CSMD1: variants seen among roughly 807,000 people sequenced by gnomAD.
CSMD1 encodes the protein CUB and sushi domain-containing protein 1.
In CSMD1, 213 loss-of-function variants were observed where a neutral mutation model predicts 417.5. The observed-to-expected ratio is 0.51, with a 90% CI of 0.46 to 0.57. CSMD1 has a LOEUF of 0.57. CSMD1 is among the 20% of genes least tolerant of loss of function. The pLI is 0.00. For missense variants in CSMD1, 6,923 were observed against 4,529.7 expected (o/e 1.53, Z -15.17); for synonymous variants, 2,862 against 1,736.8 (o/e 1.65, Z -16.11).
At chr8:4,821,921 C>T (rs1799546860) in intron 1 of CSMD1, among the ~76,000 whole-genome samples, 1 of 151,994 alleles carries the variant, frequency 6.6e-6, no homozygotes, top group Non-Finnish European at 1.5e-5. Flanking sequence ...TGCTTGCCTG[C>T]TTCAGGTATT....
At chr8:4,651,283 C>A (rs1285828595) in intron 1 of CSMD1, among the ~76,000 whole-genome samples, 1 of 152,004 alleles carries the variant, frequency 6.6e-6, no homozygotes. Flanking sequence ...GTTTAATGAT[C>A]AAATGTTAAA....
chr8:4,942,848 G>C (rs1808103555), intron 1 of CSMD1, among the ~76,000 whole-genome samples: 1 of 152,210 alleles, frequency 6.6e-6, no homozygotes, highest in African/African-American at 2.4e-5. Flanking sequence ...CACAGATAGT[G>C]GGACCTTTAT....
At chr8:3,088,175 T>C (rs960145278) in intron 48 of CSMD1, among the ~76,000 whole-genome samples, 1 of 152,236 alleles carries the variant, frequency 6.6e-6, no homozygotes, top group Non-Finnish European at 1.5e-5. Context: ...ATAATAATTT[T>C]ACCCACACAG....
chr8:4,330,039 C>T (rs1799780104), intron 3 of CSMD1, among the ~76,000 whole-genome samples: 1 of 152,132 alleles, frequency 6.6e-6, no homozygotes, highest in Admixed American at 6.6e-5. Flanking sequence ...GCCAATTAAA[C>T]CTCTTTTCTT....
chr8:3,181,764 T>C (rs1003242188), intron 36 of CSMD1, among the ~76,000 whole-genome samples: 2 of 152,188 alleles, frequency 1.3e-5, no homozygotes, highest in Non-Finnish European at 2.9e-5. Flanking sequence ...TAGGGCTATT[T>C]TGACATAGTG....
chr8:4,209,287 G>A (rs1018272688), intron 3 of CSMD1, among the ~76,000 whole-genome samples: 1 of 152,114 alleles, frequency 6.6e-6, no homozygotes, highest in East Asian at 1.9e-4. Flanking sequence ...TCATTTCACA[G>A]CTTGCTCTTC....
intron 47 of CSMD1, among the ~76,000 whole-genome samples, chr8:3,095,622 A>G (rs1271338470): frequency 6.6e-6 from 1 of 152,226 alleles, no homozygotes; most frequent in Non-Finnish European, 1.5e-5. Context: ...TAAAGTGAAT[A>G]CAAACACACA....
At chr8:4,283,996 G>GCTACGATTCA (rs1796926522) in intron 3 of CSMD1, among the ~76,000 whole-genome samples, 1 of 152,188 alleles carries the variant, frequency 6.6e-6, no homozygotes, top group South Asian at 2.1e-4. Flanking sequence ...ACTTTGGGAG[G>GCTACGATTCA]CCGAGGAAGG....
At chr8:3,033,097 G>A (rs1218929014) in intron 50 of CSMD1, among the ~76,000 whole-genome samples, 1 of 144,776 alleles carries the variant, frequency 6.9e-6, no homozygotes, top group Non-Finnish European at 1.6e-5. Context: ...CTAGGCTACA[G>A]TTTCTATAAA....
chr8:4,977,191 T>C (rs536076541), intron 1 of CSMD1, among the ~76,000 whole-genome samples: 3 of 152,336 alleles, frequency 2.0e-5, no homozygotes, highest in African/African-American at 7.2e-5. Context: ...TTTCTGTTTA[T>C]ATTAATTTAT....
At chr8:3,437,674 T>C (rs1265432999) in intron 12 of CSMD1, among the ~76,000 whole-genome samples, 3 of 152,190 alleles carry the variant, frequency 2.0e-5, no homozygotes, top group South Asian at 2.1e-4. Flanking sequence ...ATGTTTTCCC[T>C]TTCTAATCAC....
rs75405536 is a variant in CSMD1 at position 4,700,523 on chromosome 8, T to A, written c.86-62965A>T. Among the ~76,000 whole-genome samples, 4 of 152,230 alleles carry A rather than the reference T, an allele frequency of 2.6e-5. No individual in the cohort carries two copies. In the East Asian group the frequency reaches 7.7e-4, roughly 29 times the overall value. On this transcript the variant is annotated intron_variant, in intron 1 of 69. Coordinates refer to ENST00000635120, the MANE Select transcript of CSMD1 (RefSeq NM_033225.6). ...ATGCATGTTACAATGAAAAGGTGTC[T>A]AATAGAGAGACAAGATATTTCAAAG...
chr8:3,149,070 T>C (rs1418442841), intron 40 of CSMD1, among the ~76,000 whole-genome samples: 4 of 152,224 alleles, frequency 2.6e-5, no homozygotes, highest in African/African-American at 4.8e-5. Context: ...AGATATTTCA[T>C]AAGTTATTTT....
intron 5 of CSMD1, among the ~76,000 whole-genome samples, chr8:3,958,694 C>T (rs1422478789): frequency 1.3e-5 from 2 of 152,064 alleles, no homozygotes; most frequent in Non-Finnish European, 2.9e-5. Flanking sequence ...TGGATCAGGA[C>T]ATAACTGAGG....
At chr8:4,316,363 C>A (rs1345685198) in intron 3 of CSMD1, among the ~76,000 whole-genome samples, 1 of 152,040 alleles carries the variant, frequency 6.6e-6, no homozygotes, top group African/African-American at 2.4e-5. Flanking sequence ...TGGTCTTATA[C>A]TCTGGGCTGC....
chr8:3,817,673 T>C (rs1801464799), intron 5 of CSMD1, among the ~76,000 whole-genome samples: 1 of 152,126 alleles, frequency 6.6e-6, no homozygotes, highest in Non-Finnish European at 1.5e-5. Context: ...AGCTCTTCTT[T>C]AATGGAACTT....
chr8:3,463,112 G>C (rs536299661), intron 12 of CSMD1, among the ~76,000 whole-genome samples: 1 of 152,160 alleles, frequency 6.6e-6, no homozygotes, highest in Non-Finnish European at 1.5e-5. Flanking sequence ...CAATTCCATT[G>C]TCGCCAAGCC....
intron 3 of CSMD1, among the ~76,000 whole-genome samples, chr8:4,311,876 G>A (rs1005496619): frequency 4.6e-5 from 7 of 152,024 alleles, no homozygotes; most frequent in African/African-American, 1.5e-4. Flanking sequence ...TATAATACCT[G>A]GGTGATCAAA....
At chr8:4,458,796 T>G (rs1025636884) in intron 2 of CSMD1, among the ~76,000 whole-genome samples, 1 of 152,108 alleles carries the variant, frequency 6.6e-6, no homozygotes, top group African/African-American at 2.4e-5. Context: ...AATATTTAAT[T>G]TTTTTTAACA....
Sources: allele counts gnomAD v4.1 joint callset (sites outside exome capture counted in the v4.1 genomes callset), GRCh38; gene constraint gnomAD v4.1.1; transcripts MANE v1.5; gene names NCBI Gene and HGNC (gene_info 2026-07-23, HGNC 2026-07-21).